Variants in SCNN1B observed in about 807,000 individuals in gnomAD.
SCNN1B encodes the protein epithelial sodium channel subunit beta.
In SCNN1B, 46 loss-of-function variants were observed where a neutral mutation model predicts 65.3. The observed-to-expected ratio is 0.70, with a 90% CI of 0.56 to 0.90. SCNN1B has a LOEUF of 0.90. Among genes scored for constraint, SCNN1B ranks in the 40% least tolerant of loss-of-function variants. The pLI is 0.00. For synonymous variants in SCNN1B, 349 were observed against 330.6 expected (o/e 1.06, Z -0.60); for missense variants, 751 against 830.5 (o/e 0.90, Z 1.18).
In SCNN1B at chr16:23,378,880, G is replaced by C. The variant is rs2303153; in HGVS notation, c.1466+113G>C. ...GACACATTCTCACATGGGTCAGACC[G>C]AGGAGCAAGTCTTGAGGAGGAGGCA... On this transcript the variant is annotated intron_variant, in intron 11 of 12. Coordinates refer to ENST00000343070, the MANE Select transcript of SCNN1B (RefSeq NM_000336.3). 548,638 of 988,058 alleles carry C rather than the reference G, an allele frequency of 0.56. 159,777 individuals are homozygous for C. Among genetic ancestry groups the C allele is most frequent in the East Asian group, 0.88 (35,463 of 40,256 alleles). The allele number at this position is 988,058 out of a possible 1,614,324, so 61.2% of individuals were successfully genotyped here.
intron 3 of SCNN1B, 71 bp downstream of exon 3, chr16:23,353,145 T>C: frequency 6.5e-6 from 10 of 1,529,582 alleles, no homozygotes; most frequent in Non-Finnish European, 8.1e-6. Flanking sequence ...TTCTTTTCTG[T>C]AGTAATTTGA....
At chr16:23,293,147 GACTT>G (rs1960951307) in intron 2 of SCNN1B, among the ~76,000 whole-genome samples, 1 of 97,854 alleles carries the variant, frequency 1.0e-5, no homozygotes, top group Admixed American at 1.0e-4. Flanking sequence ...AAAAAAGTGA[GACTT>G]ACAATCTTTC....
chr16:23,303,001 G>T lies in SCNN1B; in HGVS notation c.-9+564G>T, dbSNP rs72652282. On this transcript the variant is annotated intron_variant, in intron 1 of 12. Coordinates refer to ENST00000343070, the MANE Select transcript of SCNN1B (RefSeq NM_000336.3). ...GCAGTCCGACCCTGGAGCCTACCTCGTGGGCTGTCAGTGGCGTCCGGGGAA... is the reference window on the plus strand; with the variant it reads ...GCAGTCCGACCCTGGAGCCTACCTCTTGGGCTGTCAGTGGCGTCCGGGGAA... Among the ~76,000 whole-genome samples, 5,111 of 152,220 alleles carry T rather than the reference G, an allele frequency of 0.034. 273 individuals carry two copies. The highest frequency in any genetic ancestry group is 0.12 in the African/African-American group (4,861 of 41,514).
At chr16:23,323,032 A>C (rs1961620269) in intron 1 of SCNN1B, among the ~76,000 whole-genome samples, 1 of 147,272 alleles carries the variant, frequency 6.8e-6, no homozygotes, top group Admixed American at 6.8e-5. Context: ...TAAAAATACA[A>C]AAAAAAAAAA....
At chr16:23,308,835 G>A (rs145503583) in intron 1 of SCNN1B, among the ~76,000 whole-genome samples, 1,528 of 152,182 alleles carry the variant, frequency 0.01, 28 homozygotes, top group African/African-American at 0.032. Context: ...GTTTCACCAC[G>A]TTGGCCAGGT....
At chr16:23,377,856 A>G (rs183774833) in intron 10 of SCNN1B, among the ~76,000 whole-genome samples, 46 of 151,518 alleles carry the variant, frequency 3.0e-4, no homozygotes, top group Middle Eastern at 6.8e-3. Flanking sequence ...TGTACACAGC[A>G]CAGAATTAGA....
chr16:23,294,942 G>A (rs1363209569), intron 2 of SCNN1B, among the ~76,000 whole-genome samples: 1 of 151,572 alleles, frequency 6.6e-6, no homozygotes, highest in Non-Finnish European at 1.5e-5. Context: ...GCAGTGAGCC[G>A]AGATCACACT....
chr16:23,305,576 ATT>A (rs1567290479), intron 1 of SCNN1B, among the ~76,000 whole-genome samples: 17 of 25,172 alleles, frequency 6.8e-4, no homozygotes, highest in African/African-American at 4.1e-3. Flanking sequence ...ATATATATAT[ATT>A]ATATATATAT....
At chr16:23,372,843 T>C (rs1157322579) in intron 7 of SCNN1B, among the ~76,000 whole-genome samples, 1 of 148,760 alleles carries the variant, frequency 6.7e-6, no homozygotes, top group Non-Finnish European at 1.5e-5. Context: ...CTCACGCCTG[T>C]AATCCCAGCA....
At chr16:23,333,169 G>T (rs930899797) in intron 1 of SCNN1B, among the ~76,000 whole-genome samples, 12 of 135,512 alleles carry the variant, frequency 8.9e-5, no homozygotes, top group African/African-American at 3.3e-4. Flanking sequence ...AAGGAAGGAA[G>T]GAAGGAAGGA....
chr16:23,363,333 G>T (rs1218480408), intron 4 of SCNN1B, among the ~76,000 whole-genome samples: 1 of 152,156 alleles, frequency 6.6e-6, no homozygotes, highest in Non-Finnish European at 1.5e-5. Context: ...GCACGAAGAC[G>T]TGATGTAACC....
chr16:23,320,204 C>T (rs190721363), intron 1 of SCNN1B, among the ~76,000 whole-genome samples: 10 of 152,256 alleles, frequency 6.6e-5, no homozygotes, highest in Non-Finnish European at 2.9e-5. Context: ...AGTAAGGTGG[C>T]GGGCTGGTGG....
chr16:23,286,792 A>G (rs1960856752), intron 2 of SCNN1B, among the ~76,000 whole-genome samples: 1 of 152,140 alleles, frequency 6.6e-6, no homozygotes, highest in Non-Finnish European at 1.5e-5. Flanking sequence ...GACTTAAGAG[A>G]TGGAATCAAG....
chr16:23,278,382 G>A (rs993642522), intron 1 of SCNN1B: 4 of 151,912 alleles, frequency 2.6e-5, no homozygotes, highest in African/African-American at 7.3e-5. Flanking sequence ...GGTGCCTATG[G>A]GACATTTAGA....
chr16:23,365,553 G>A (rs1436240540), intron 4 of SCNN1B, among the ~76,000 whole-genome samples: 3 of 56,666 alleles, frequency 5.3e-5, no homozygotes, highest in South Asian at 4.4e-4. Flanking sequence ...GAGAAAGAAG[G>A]AAAGAGAAAG....
At chr16:23,302,953 G>A (rs886466032) in intron 1 of SCNN1B, among the ~76,000 whole-genome samples, 3 of 152,140 alleles carry the variant, frequency 2.0e-5, no homozygotes, top group African/African-American at 7.2e-5. Context: ...GGAACAAGTT[G>A]CTGAGCTCAG....
At chr16:23,305,549 TATATATATATATATATATATATATATA>T (rs1961184992) in intron 1 of SCNN1B, among the ~76,000 whole-genome samples, 1 of 34,554 alleles carries the variant, frequency 2.9e-5, no homozygotes, top group Admixed American at 3.3e-4. Context: ...TATATATATA[TATATATATATATATATATATATATATA>T]TTATATATAT....
intron 1 of SCNN1B, among the ~76,000 whole-genome samples, chr16:23,307,462 A>T (rs540646546): frequency 6.6e-6 from 1 of 151,920 alleles, no homozygotes; most frequent in East Asian, 1.9e-4. Context: ...TGGGATTACA[A>T]GAGTCCGCCA....
intron 1 of SCNN1B, among the ~76,000 whole-genome samples, chr16:23,319,311 G>A (rs968347720): frequency 4.6e-5 from 7 of 152,124 alleles, no homozygotes; most frequent in Non-Finnish European, 1.5e-5. Context: ...CTCCCAAAGC[G>A]CTGGGAGTAC....
Sources: allele counts gnomAD v4.1 joint callset (sites outside exome capture counted in the v4.1 genomes callset), GRCh38; gene constraint gnomAD v4.1.1; transcripts MANE v1.5; gene names NCBI Gene and HGNC (gene_info 2026-07-23, HGNC 2026-07-21).